PPFIBP1: variants seen among roughly 807,000 people sequenced by gnomAD.
The protein encoded by PPFIBP1 is liprin-beta-1.
Under a neutral mutation model 137.8 loss-of-function variants are expected in PPFIBP1, and 112 were observed. The observed-to-expected ratio is 0.81, with a 90% CI of 0.70 to 0.95. The LOEUF (loss-of-function observed/expected upper bound fraction) is 0.95. Ranked by LOEUF, PPFIBP1 falls within the 40% of genes least tolerant of loss-of-function variation. PPFIBP1 has a pLI of 0.00. For missense variants in PPFIBP1, 1,083 were observed against 1,196.6 expected (o/e 0.91, Z 1.40); for synonymous variants, 378 against 417.3 (o/e 0.91, Z 1.15).
intron 2 of PPFIBP1, among the ~76,000 whole-genome samples, chr12:27,625,580 GTTT>G (rs35985658): frequency 1.5e-5 from 2 of 136,196 alleles, no homozygotes; most frequent in African/African-American, 2.7e-5. Flanking sequence ...GTTTTTTACA[GTTT>G]TTTTTTTTTT....
chr12:27,580,915 T>A (rs2051039748), intron 2 of PPFIBP1, among the ~76,000 whole-genome samples: 1 of 151,958 alleles, frequency 6.6e-6, no homozygotes. Flanking sequence ...ACTCTTTTTT[T>A]TTTTTTCTTT....
chr12:27,598,212 T>C (rs2053543387), intron 2 of PPFIBP1, among the ~76,000 whole-genome samples: 1 of 152,022 alleles, frequency 6.6e-6, no homozygotes, highest in African/African-American at 2.4e-5. Context: ...GGGTAATGAA[T>C]AAAGAAAAAA....
chr12:27,587,595 C>T lies in PPFIBP1; in HGVS notation c.-36+9356C>T, dbSNP rs374992414. On this transcript the variant is annotated intron_variant, in intron 2 of 29. Coordinates refer to ENST00000228425, the MANE Select transcript of PPFIBP1 (RefSeq NM_003622.4). ...CCAAGATCGCACCACTGCACCCCAGCCTCGGGGACAGAGCAAGACTCCATC... is the reference window on the plus strand; with the variant it reads ...CCAAGATCGCACCACTGCACCCCAGTCTCGGGGACAGAGCAAGACTCCATC... Among the ~76,000 whole-genome samples, 5 of 140,816 alleles carry T rather than the reference C, an allele frequency of 3.6e-5. 1 individual carries two copies. Among genetic ancestry groups the T allele is most frequent in the African/African-American group, 1.3e-4 (5 of 37,660 alleles). The allele number at this position is 140,816 out of a possible 152,430, so 92.4% of individuals were successfully genotyped here. A position where few individuals can be genotyped will look rare whatever the true frequency, so the allele number is the denominator to read the frequency against.
In PPFIBP1 at chr12:27,669,739, T is replaced by C. The variant is rs532984478; in HGVS notation, c.1147-1692T>C. On this transcript the variant is annotated intron_variant, in intron 13 of 29. Coordinates refer to ENST00000228425, the MANE Select transcript of PPFIBP1 (RefSeq NM_003622.4). ...GATTGATAGTTAAATAATCTGCTAC[T>C]TTATAATAATTCGACTTCACATTTT... Among the ~76,000 whole-genome samples the C allele has an allele frequency of 3.9e-5, 6 of 152,376 alleles. No individual in the cohort carries two copies. In the South Asian group the frequency reaches 1.2e-3, roughly 32 times the overall value.
At chr12:27,626,004 C>G (rs997371417) in intron 2 of PPFIBP1, among the ~76,000 whole-genome samples, 27 of 152,208 alleles carry the variant, frequency 1.8e-4, no homozygotes, top group African/African-American at 5.8e-4. Context: ...AGTATTGTAA[C>G]ATTAGATATC....
At position 27,627,259 on chromosome 12, in the gene PPFIBP1, G is replaced by A. The variant is rs146511608; in HGVS notation, c.-35-6103G>A. Among the ~76,000 whole-genome samples, 273 of 152,168 alleles carry A rather than the reference G, an allele frequency of 1.8e-3. 2 individuals carry two copies. Among genetic ancestry groups the A allele is most frequent in the African/African-American group, 5.7e-3 (235 of 41,518 alleles). On this transcript the variant is annotated intron_variant, in intron 2 of 29. Coordinates refer to ENST00000228425, the MANE Select transcript of PPFIBP1 (RefSeq NM_003622.4). ...TGCTGCACACATTGGCAATCATTGCGTAATTGATTAACCTTCTGAGACAGC... is the reference window on the plus strand; with the variant it reads ...TGCTGCACACATTGGCAATCATTGCATAATTGATTAACCTTCTGAGACAGC...
Position 27,693,870 on chromosome 12 carries a change from T to C in PPFIBP1, c.*988T>C, listed in dbSNP as rs904367551. 6.6e-6 allele frequency: 1 copy of C among 152,078 alleles called. No homozygotes were observed. The highest frequency in any genetic ancestry group is 2.4e-5 in the African/African-American group (1 of 41,372). 9.4% of individuals were successfully genotyped at this position (152,078 alleles called of 1,614,324 possible). ...TTTTGCATTTTTAGTAGAGACAGGG[T>C]TTCACCATATTGGCCAGGCTGGGAC... On this transcript the variant is annotated 3_prime_UTR_variant, in exon 30 of 30. Coordinates refer to ENST00000228425, the MANE Select transcript of PPFIBP1 (RefSeq NM_003622.4).
intron 10 of PPFIBP1, among the ~76,000 whole-genome samples, chr12:27,659,457 T>A (rs12824734): frequency 8.4e-5 from 12 of 142,366 alleles, no homozygotes; most frequent in African/African-American, 3.1e-4. Flanking sequence ...CAAAAAAAAA[T>A]TTAAAATTAG....
In PPFIBP1 at chr12:27,646,351, C is replaced by T. The variant is rs542278591; in HGVS notation, c.357+203C>T. 3 of 599,152 alleles carry T rather than the reference C, an allele frequency of 5.0e-6. No homozygotes were observed. The African/African-American group carries it at 5.5e-5, about 11-fold the overall frequency. 37.1% of individuals were successfully genotyped at this position (599,152 alleles called of 1,614,324 possible). On this transcript the variant is annotated intron_variant, in intron 5 of 29. Coordinates refer to ENST00000228425, the MANE Select transcript of PPFIBP1 (RefSeq NM_003622.4). ...CAGTTTAAAAGGAGCTACCATTAAT[C>T]ATCCTCAGCTCTTGCAGGACCAGTC...
intron 1 of PPFIBP1, among the ~76,000 whole-genome samples, chr12:27,551,073 A>G (rs1946731835): frequency 6.6e-6 from 1 of 151,790 alleles, no homozygotes; most frequent in Admixed American, 6.6e-5. Context: ...AACAAAGATT[A>G]GTTATGTGAC....
intron 24 of PPFIBP1, among the ~76,000 whole-genome samples, chr12:27,684,011 T>C (rs1395603231): frequency 1.3e-5 from 2 of 152,090 alleles, no homozygotes; most frequent in Non-Finnish European, 2.9e-5. Context: ...ATGGTCTCGA[T>C]CTCCTGACCT....
intron 6 of PPFIBP1, among the ~76,000 whole-genome samples, chr12:27,648,745 C>A (rs1475443172): frequency 6.6e-6 from 1 of 151,978 alleles, no homozygotes; most frequent in Non-Finnish European, 1.5e-5. Context: ...TAAGCCAAGC[C>A]CAGAAAAACA....
intron 1 of PPFIBP1, among the ~76,000 whole-genome samples, chr12:27,559,800 T>C (rs2136355267): frequency 6.6e-6 from 1 of 152,342 alleles, no homozygotes; most frequent in South Asian, 2.1e-4. Flanking sequence ...TTTATGTACA[T>C]ACATAGCACC....
chr12:27,601,991 C>T (rs2054046457), intron 2 of PPFIBP1, among the ~76,000 whole-genome samples: 1 of 152,206 alleles, frequency 6.6e-6, no homozygotes, highest in Non-Finnish European at 1.5e-5. Flanking sequence ...TAGTGACCAC[C>T]TGAACTAGTG....
At chr12:27,579,320 G>A (rs144555632) in intron 2 of PPFIBP1, among the ~76,000 whole-genome samples, 5 of 152,296 alleles carry the variant, frequency 3.3e-5, no homozygotes, top group South Asian at 2.1e-4. Context: ...GACCTTATGC[G>A]TAGAGGAAAG....
intron 6 of PPFIBP1, among the ~76,000 whole-genome samples, chr12:27,649,412 C>T (rs1221018997): frequency 6.6e-6 from 1 of 152,170 alleles, no homozygotes; most frequent in Non-Finnish European, 1.5e-5. Flanking sequence ...GTATCACCAT[C>T]ATCAATGTTA....
chr12:27,615,030 G>C (rs1380656079), intron 2 of PPFIBP1, among the ~76,000 whole-genome samples: 1 of 152,114 alleles, frequency 6.6e-6, no homozygotes, highest in African/African-American at 2.4e-5. Context: ...TCATGAATAG[G>C]AGATCCAGCC....
At chr12:27,605,911 C>G (rs1354171142) in intron 2 of PPFIBP1, among the ~76,000 whole-genome samples, 1 of 152,060 alleles carries the variant, frequency 6.6e-6, no homozygotes, top group Admixed American at 6.6e-5. Context: ...TTTGATAATT[C>G]CATTGTCAAA....
chr12:27,676,399 C>G (rs760794713), intron 17 of PPFIBP1, 29 bp from the exon 18 acceptor site: 3 of 1,440,446 alleles, frequency 2.1e-6, no homozygotes, highest in Admixed American at 2.6e-5. Flanking sequence ...CACCTGAGAG[C>G]TGTTTCACTA....
Sources: allele counts gnomAD v4.1 joint callset (sites outside exome capture counted in the v4.1 genomes callset), GRCh38; gene constraint gnomAD v4.1.1; transcripts MANE v1.5; gene names NCBI Gene and HGNC (gene_info 2026-07-23, HGNC 2026-07-21).